The following ARMC6 variants were observed in gnomAD, a reference collection of about 807,000 sequenced individuals.
The protein encoded by ARMC6 is armadillo repeat-containing protein 6.
ARMC6 carries 43 observed loss-of-function variants against 49.2 expected under a neutral mutation model. That is an observed-to-expected ratio of 0.87 (90% CI 0.69 to 1.13). The LOEUF is 1.13. Among genes scored for constraint, ARMC6 ranks in the 50% most tolerant of loss-of-function variants. The probability of loss-of-function intolerance (pLI) is 0.00; values close to 1 mark genes in which losing one functional copy is unlikely to be tolerated. For missense variants in ARMC6, 627 were observed against 682.0 expected, an observed-to-expected ratio of 0.92 and a Z score of 0.90; for synonymous variants, 262 against 289.6, an observed-to-expected ratio of 0.90 and a Z score of 0.97.
intron 3 of ARMC6, among the ~76,000 whole-genome samples, chr19:19,043,385 G>T (rs560332319): frequency 9.9e-5 from 15 of 152,282 alleles, no homozygotes; most frequent in Non-Finnish European, 2.1e-4. Flanking sequence ...CACATGATGG[G>T]TGCTGGGCCC....
At position 19,055,295 on chromosome 19, in the gene ARMC6, C is replaced by T. The variant is rs763168211; in HGVS notation, c.1054C>T (p.Arg352Ter). 9 of 1,610,690 alleles carry T rather than the reference C, an allele frequency of 5.6e-6. No homozygotes were observed. Among genetic ancestry groups the T allele is most frequent in the South Asian group, 1.1e-5 (1 of 90,648 alleles). The change falls in exon 7 of 9, where the codon CGA (arginine) becomes TGA (stop). Residue 352 changes from arginine to a stop codon, truncating the protein, a stop_gained. Transcript: ENST00000535612. LOFTEE classifies it high-confidence loss of function. This position sits in a 1 kb window ranked among gnomAD's most constrained non-coding sequence, Gnocchi z 5.7. ...CGTGAAGCAAGTGCTGAGCACCCTGCGAGCCATCGCAGGCAACGACGACGT... is the reference window on the plus strand; with the variant it reads ...CGTGAAGCAAGTGCTGAGCACCCTGTGAGCCATCGCAGGCAACGACGACGT... ...ELVKQVLSTL[R>*]AIAGNDDVKD...
At chr19:19,052,232 G>A in intron 5 of ARMC6, 37 bp downstream of exon 5, 1 of 1,538,822 alleles carries the variant, frequency 6.5e-7, no homozygotes, top group South Asian at 1.3e-5. Context: ...AGCGAACAAA[G>A]TGGGCGGGTC....
At chr19:19,044,418 C>G (rs114805695) in intron 4 of ARMC6, among the ~76,000 whole-genome samples, 212 of 152,318 alleles carry the variant, frequency 1.4e-3, no homozygotes, top group African/African-American at 4.8e-3. Flanking sequence ...AGAGTGGGCT[C>G]ACAGTAAGGC....
At chr19:19,042,672 C>A (rs537965374) in intron 2 of ARMC6, 39 bp from the exon 3 acceptor site, 9 of 1,606,578 alleles carry the variant, frequency 5.6e-6, no homozygotes, top group Middle Eastern at 1.7e-4. Context: ...ATTGCCTGCT[C>A]ACCCTTGAGG....
At chr19:19,038,599 C>T (rs935464647) in intron 2 of ARMC6, among the ~76,000 whole-genome samples, 23 of 152,020 alleles carry the variant, frequency 1.5e-4, no homozygotes, top group Non-Finnish European at 2.1e-4. Context: ...TTTTTTGAGA[C>T]GAAGTCTTGC....
Position 19,057,753 on chromosome 19 carries a change from G to T in ARMC6, c.*125G>T. 1 of 1,070,668 alleles carries T rather than the reference G, an allele frequency of 9.3e-7. No individual in the cohort carries two copies. Among genetic ancestry groups the T allele is most frequent in the East Asian group, 2.4e-5 (1 of 42,086 alleles). 66.3% of individuals were successfully genotyped at this position (1,070,668 alleles called of 1,614,324 possible). Reference sequence around the variant, plus strand: ...TCACAATGAGAAGTGTTTTCTGGCAGGCCCTAGGTAAAGGGTCGGGGGAGG... The same window carrying T: ...TCACAATGAGAAGTGTTTTCTGGCATGCCCTAGGTAAAGGGTCGGGGGAGG... On this transcript the variant is annotated 3_prime_UTR_variant, in exon 9 of 9. Coordinates refer to ENST00000535612, the MANE Select transcript of ARMC6 (RefSeq NM_001199196.2).
intron 4 of ARMC6, among the ~76,000 whole-genome samples, chr19:19,049,581 A>C (rs10409297): frequency 0.02 from 3,080 of 152,318 alleles, 101 homozygotes; most frequent in African/African-American, 0.07. Context: ...CAGTGTCATT[A>C]AGTACATTCA....
chr19:19,037,423 C>CTGGA, intron 2 of ARMC6: 1 of 252,346 alleles, frequency 4.0e-6, no homozygotes, highest in Admixed American at 5.3e-5. Context: ...GTCACCCAGG[C>CTGGA]TGGAGTTCAG....
chr19:19,039,278 G>A (rs1031321415), intron 2 of ARMC6: 11 of 401,428 alleles, frequency 2.7e-5, no homozygotes, highest in African/African-American at 1.2e-4. Flanking sequence ...TCAACCACAC[G>A]CAAATGCCAC....
intron 2 of ARMC6, among the ~76,000 whole-genome samples, chr19:19,036,464 A>C (rs1157534103): frequency 6.6e-6 from 1 of 152,170 alleles, no homozygotes; most frequent in Non-Finnish European, 1.5e-5. Flanking sequence ...ATCACCTGTC[A>C]ATTTACATTG....
rs1020897483 is a variant in ARMC6 at position 19,057,559 on chromosome 19, G to A, written c.1437G>A (p.Leu479=). ...RDCEDVAKAA[L]RDLGCHVELR... is the part of the protein sequence containing the mutation. ...GTGAGGACGTGGCCAAGGCCGCCCT[G>A]CGGGACCTGGGTTGTCATGTCGAGC... Residue 479 remains leucine, a synonymous_variant, in exon 9 of 9, where the codon CTG becomes CTA. Coordinates refer to ENST00000535612, the MANE Select transcript of ARMC6 (RefSeq NM_001199196.2). The A allele has an allele frequency of 1.2e-6, 2 of 1,613,432 alleles. No individual in the cohort carries two copies. Among genetic ancestry groups the A allele is most frequent in the Non-Finnish European group, 8.5e-7 (1 of 1,179,986 alleles).
intron 2 of ARMC6, among the ~76,000 whole-genome samples, chr19:19,042,096 C>T (rs1197223839): frequency 1.3e-5 from 2 of 151,948 alleles, no homozygotes; most frequent in Admixed American, 1.3e-4. Context: ...AGACTTTTGC[C>T]ATGTTGTCCA....
intron 5 of ARMC6, 84 bp downstream of exon 5, chr19:19,052,279 CT>C: frequency 7.6e-7 from 1 of 1,308,506 alleles, no homozygotes; most frequent in Non-Finnish European, 1.0e-6. Flanking sequence ...CTCAGGACTG[CT>C]TTAGGCACGG....
intron 5 of ARMC6, 29 bp downstream of exon 5, chr19:19,052,224 C>A: frequency 1.3e-6 from 2 of 1,548,558 alleles, no homozygotes; most frequent in Non-Finnish European, 8.7e-7. Context: ...CACGAGCCAG[C>A]GAACAAAGTG....
intron 2 of ARMC6, among the ~76,000 whole-genome samples, chr19:19,035,176 T>G (rs2059347446): frequency 6.6e-6 from 1 of 152,164 alleles, no homozygotes; most frequent in Non-Finnish European, 1.5e-5. Context: ...GGCTAATTTT[T>G]TGTATTTTCA....
intron 4 of ARMC6, among the ~76,000 whole-genome samples, chr19:19,048,512 G>T (rs1056406576): frequency 6.8e-6 from 1 of 146,742 alleles, no homozygotes; most frequent in African/African-American, 2.5e-5. Flanking sequence ...AACAGAATGA[G>T]ACTCAGAAAA....
At chr19:19,036,122 C>T (rs1186955043) in intron 2 of ARMC6, among the ~76,000 whole-genome samples, 1 of 152,088 alleles carries the variant, frequency 6.6e-6, no homozygotes, top group Admixed American at 6.6e-5. Flanking sequence ...AGTGCAATGG[C>T]GCAATCTTGG....
At chr19:19,034,440 C>A (rs1168665742) in intron 2 of ARMC6, among the ~76,000 whole-genome samples, 1 of 152,112 alleles carries the variant, frequency 6.6e-6, no homozygotes, top group Admixed American at 6.5e-5. Context: ...CACTACCGGG[C>A]TTTGAGCACG....
intron 2 of ARMC6, chr19:19,037,827 C>A: frequency 2.4e-6 from 1 of 425,014 alleles, no homozygotes; most frequent in Non-Finnish European, 3.6e-6. Flanking sequence ...TTCACTCGTA[C>A]CCTGTCAAGA....
Sources: allele counts gnomAD v4.1 joint callset (sites outside exome capture counted in the v4.1 genomes callset), GRCh38; gene constraint gnomAD v4.1.1; non-coding constraint Gnocchi (gnomAD v3.1); transcripts MANE v1.5; gene names NCBI Gene and HGNC (gene_info 2026-07-23, HGNC 2026-07-21).